The following GLRA2 variants were observed in gnomAD, a reference collection of about 807,000 sequenced individuals.
GLRA2 encodes glycine receptor alpha 2.
In GLRA2, 11 loss-of-function variants were observed where a neutral mutation model predicts 31.6. The observed-to-expected ratio is 0.35, with a 90% CI of 0.22 to 0.58. The LOEUF is 0.58. Among genes scored for constraint, GLRA2 ranks in the 20% least tolerant of loss-of-function variants. The pLI, the probability that GLRA2 is intolerant of heterozygous loss-of-function variation, is 0.84. For synonymous variants in GLRA2, 132 were observed against 134.0 expected (o/e 0.99, Z 0.10); for missense variants, 212 against 351.8 (o/e 0.60, Z 3.18).
chrX:14,486,234 A>G, the GLRA2 span, among the ~76,000 whole-genome samples: 1 of 111,820 alleles, frequency 8.9e-6, no homozygotes, highest in Non-Finnish European at 1.9e-5. Context: ...CCCATCTTAC[A>G]CCATACACAA....
At chrX:14,602,167 A>T (rs1247405236) in intron 4 of GLRA2, among the ~76,000 whole-genome samples, 2 of 111,381 alleles carry the variant, frequency 1.8e-5, no homozygotes, top group Non-Finnish European at 3.8e-5. Flanking sequence ...ATGGGAGAGC[A>T]AGAGGTGTGC....
the GLRA2 span, among the ~76,000 whole-genome samples, chrX:14,474,136 T>C: frequency 1.8e-5 from 2 of 111,997 alleles, no homozygotes; most frequent in African/African-American, 6.5e-5. Flanking sequence ...TCTGGAATTT[T>C]TGTCATGATG....
the GLRA2 span, among the ~76,000 whole-genome samples, chrX:14,506,528 G>A: frequency 6.3e-5 from 7 of 111,653 alleles, no homozygotes; most frequent in African/African-American, 2.3e-4. Context: ...ATGCCACACT[G>A]TTTCCAGTGG....
chrX:14,505,151 T>G, the GLRA2 span, among the ~76,000 whole-genome samples: 1 of 111,840 alleles, frequency 8.9e-6, no homozygotes, highest in Non-Finnish European at 1.9e-5. Flanking sequence ...CAGGCATGAA[T>G]CAGAAGTGAG....
At chrX:14,702,974 C>T (rs142462543) in intron 8 of GLRA2, among the ~76,000 whole-genome samples, 1 of 111,257 alleles carries the variant, frequency 9.0e-6, no homozygotes, top group East Asian at 2.8e-4. Context: ...TGCTCAGCTG[C>T]ACAGTGGGGG....
At chrX:14,517,160 T>C in the GLRA2 span, among the ~76,000 whole-genome samples, 1 of 112,390 alleles carries the variant, frequency 8.9e-6, no homozygotes, top group Non-Finnish European at 1.9e-5. Flanking sequence ...TAAGGCATTT[T>C]AATTTTCAAA....
At chrX:14,616,315 T>C (rs913390233) in intron 7 of GLRA2, among the ~76,000 whole-genome samples, 9 of 112,001 alleles carry the variant, frequency 8.0e-5, no homozygotes, top group African/African-American at 2.6e-4. Context: ...AACACTGGGA[T>C]AGCTAGAATG....
At chrX:14,461,897 A>G in the GLRA2 span, among the ~76,000 whole-genome samples, 41 of 111,793 alleles carry the variant, frequency 3.7e-4, no homozygotes, top group African/African-American at 1.1e-3. Flanking sequence ...CATTATGATG[A>G]TAGCTGGTTA....
intron 7 of GLRA2, among the ~76,000 whole-genome samples, chrX:14,647,180 G>A (rs1003858272): frequency 8.9e-6 from 1 of 112,023 alleles, no homozygotes; most frequent in African/African-American, 3.2e-5. Context: ...GGAGCCAAGA[G>A]CCATTGGAAG....
At chrX:14,486,129 G>C in the GLRA2 span, among the ~76,000 whole-genome samples, 1 of 111,157 alleles carries the variant, frequency 9.0e-6, no homozygotes, top group Non-Finnish European at 1.9e-5. Flanking sequence ...AACATGAAAA[G>C]ATACGTTAAA....
At chrX:14,498,137 C>CA in the GLRA2 span, among the ~76,000 whole-genome samples, 751 of 101,410 alleles carry the variant, frequency 7.4e-3, 4 homozygotes, top group African/African-American at 0.021. Context: ...CCTAAAAAAA[C>CA]AAAAAAAAAA....
At chrX:14,484,599 A>G in the GLRA2 span, among the ~76,000 whole-genome samples, 1 of 112,221 alleles carries the variant, frequency 8.9e-6, no homozygotes, top group Non-Finnish European at 1.9e-5. Context: ...TCGGTTAGAC[A>G]TTAATTATAA....
intron 8 of GLRA2, among the ~76,000 whole-genome samples, chrX:14,710,006 A>G (rs2091690089): frequency 8.9e-6 from 1 of 112,023 alleles, no homozygotes; most frequent in Non-Finnish European, 1.9e-5. Context: ...GAAAGCAATG[A>G]CATGATGGCC....
chrX:14,596,633 C>T (rs756873259), intron 4 of GLRA2, among the ~76,000 whole-genome samples: 1 of 105,880 alleles, frequency 9.4e-6, no homozygotes, highest in Admixed American at 1.0e-4. Flanking sequence ...GGTGACAGAG[C>T]GAGACTCTGT....
chrX:14,514,504 G>T, the GLRA2 span, among the ~76,000 whole-genome samples: 1 of 111,634 alleles, frequency 9.0e-6, no homozygotes, highest in East Asian at 2.8e-4. Flanking sequence ...CATTTAAATT[G>T]TCATTTAACA....
chrX:14,570,654 G>C (rs1480563201), intron 2 of GLRA2, among the ~76,000 whole-genome samples: 1 of 111,211 alleles, frequency 9.0e-6, no homozygotes, highest in Non-Finnish European at 1.9e-5. Context: ...ATGAAGAATA[G>C]CACTATTCTT....
chrX:14,517,575 G>GC, the GLRA2 span, among the ~76,000 whole-genome samples: 51 of 111,844 alleles, frequency 4.6e-4, 1 homozygote, highest in African/African-American at 1.6e-3. Flanking sequence ...TCATGAGTGA[G>GC]CATGGGGTAA....
At chrX:14,647,966 C>T (rs998857888) in intron 7 of GLRA2, among the ~76,000 whole-genome samples, 6 of 112,349 alleles carry the variant, frequency 5.3e-5, no homozygotes, top group African/African-American at 1.9e-4. Context: ...CCTTTAAATG[C>T]CAGGCTAAAT....
chrX:14,535,209 T>C (rs1322329737), intron 2 of GLRA2, among the ~76,000 whole-genome samples: 1 of 112,264 alleles, frequency 8.9e-6, no homozygotes. Context: ...TCTAGAATTC[T>C]TATTAAATAT....
Sources: allele counts gnomAD v4.1 joint callset (sites outside exome capture counted in the v4.1 genomes callset), GRCh38; gene constraint gnomAD v4.1.1; transcripts MANE v1.5; gene names NCBI Gene and HGNC (gene_info 2026-07-23, HGNC 2026-07-21).